Variants in CDH12 observed in about 807,000 individuals in gnomAD.
CDH12 encodes cadherin 12.
Under a neutral mutation model 74.1 loss-of-function variants are expected in CDH12, and 41 were observed. That is an observed-to-expected ratio of 0.55 (90% CI 0.43 to 0.72). The LOEUF (loss-of-function observed/expected upper bound fraction) is 0.72, where lower values mean the gene tolerates loss of function less well. Among genes scored for constraint, CDH12 ranks in the 30% least tolerant of loss-of-function variants. The probability of loss-of-function intolerance (pLI) is 0.00; values close to 1 mark genes in which losing one functional copy is unlikely to be tolerated. For missense variants in CDH12, 945 were observed against 977.2 expected (o/e 0.97, Z 0.44); for synonymous variants, 399 against 355.0 (o/e 1.12, Z -1.39).
chr5:21,959,678 G>A (rs1756258267), intron 6 of CDH12, among the ~76,000 whole-genome samples: 1 of 150,766 alleles, frequency 6.6e-6, no homozygotes, highest in Admixed American at 6.6e-5. Context: ...GGGAGGCCAA[G>A]GTGGGTGGAT....
intron 6 of CDH12, among the ~76,000 whole-genome samples, chr5:21,972,610 G>A (rs1387069458): frequency 6.6e-6 from 1 of 152,134 alleles, no homozygotes; most frequent in African/African-American, 2.4e-5. Context: ...AGTTCTGGAT[G>A]CACAGTAGTT....
chr5:21,813,281 C>T (rs1364996949), intron 9 of CDH12, among the ~76,000 whole-genome samples: 1 of 152,008 alleles, frequency 6.6e-6, no homozygotes, highest in African/African-American at 2.4e-5. Context: ...GAGTTCAAGA[C>T]CAGCCTGACA....
chr5:22,122,603 A>C (rs1745588631), intron 4 of CDH12, among the ~76,000 whole-genome samples: 1 of 152,186 alleles, frequency 6.6e-6, no homozygotes, highest in Admixed American at 6.6e-5. Flanking sequence ...TTTGGTTATA[A>C]GCCATCTATT....
chr5:22,517,937 A>T (rs1306321254), intron 1 of CDH12, among the ~76,000 whole-genome samples: 1 of 152,200 alleles, frequency 6.6e-6, no homozygotes, highest in Non-Finnish European at 1.5e-5. Context: ...GCTGGCTTCC[A>T]ACCTCAACTG....
intron 3 of CDH12, among the ~76,000 whole-genome samples, chr5:22,261,370 T>C (rs1463277582): frequency 6.6e-6 from 1 of 152,150 alleles, no homozygotes; most frequent in Non-Finnish European, 1.5e-5. Context: ...CCCCACCCTT[T>C]TGGTCATTTT....
rs866869447 is a variant in CDH12 at position 22,121,072 on chromosome 5, T to C, written c.-186-42210A>G. Among the ~76,000 whole-genome samples the C allele has an allele frequency of 1.8e-3, 280 of 152,292 alleles. 1 individual carries two copies. Among genetic ancestry groups the C allele is most frequent in the African/African-American group, 6.0e-3 (248 of 41,572 alleles). ...TGAAGGCAAAACAGTGAGTTTATGTTTCACTTAATTCCAAATTTAAAATTC... is the reference window on the plus strand; with the variant it reads ...TGAAGGCAAAACAGTGAGTTTATGTCTCACTTAATTCCAAATTTAAAATTC... On this transcript the variant is annotated intron_variant, in intron 4 of 14. Coordinates refer to ENST00000382254, the MANE Select transcript of CDH12 (RefSeq NM_004061.5).
At chr5:22,237,055 C>T (rs1169466525) in intron 3 of CDH12, among the ~76,000 whole-genome samples, 1 of 151,824 alleles carries the variant, frequency 6.6e-6, no homozygotes. Flanking sequence ...CATTTATTAT[C>T]CTTATTAAGT....
At chr5:22,037,774 T>C (rs1739287224) in intron 5 of CDH12, among the ~76,000 whole-genome samples, 1 of 152,000 alleles carries the variant, frequency 6.6e-6, no homozygotes, top group Non-Finnish European at 1.5e-5. Flanking sequence ...CAAACAACTA[T>C]ATGTTGATAG....
At chr5:21,975,469 A>G (rs1435307065) in intron 5 of CDH12, 84 bp from the exon 6 acceptor site, 1 of 971,348 alleles carries the variant, frequency 1.0e-6, no homozygotes, top group Non-Finnish European at 1.5e-6. Context: ...CCAAATTAAA[A>G]AGTCATAATT....
At chr5:21,947,835 G>C (rs1486970943) in intron 6 of CDH12, among the ~76,000 whole-genome samples, 1 of 152,166 alleles carries the variant, frequency 6.6e-6, no homozygotes, top group Non-Finnish European at 1.5e-5. Flanking sequence ...TCATGGGCTG[G>C]GCCTATGGCC....
intron 1 of CDH12, among the ~76,000 whole-genome samples, chr5:22,814,608 A>G (rs1386724019): frequency 2.0e-5 from 3 of 152,176 alleles, no homozygotes; most frequent in African/African-American, 7.2e-5. Context: ...TAGGGTGAAT[A>G]CAATCTGAAA....
intron 2 of CDH12, among the ~76,000 whole-genome samples, chr5:22,483,948 G>A (rs1895619): frequency 0.14 from 20,685 of 148,436 alleles, 2,178 homozygotes; most frequent in East Asian, 0.36. Flanking sequence ...ATATAAGATC[G>A]GGAATTCCAA....
chr5:22,072,180 TATTA>T (rs1741987904), intron 5 of CDH12, among the ~76,000 whole-genome samples: 1 of 152,102 alleles, frequency 6.6e-6, no homozygotes, highest in Non-Finnish European at 1.5e-5. Context: ...ATTCCATTAA[TATTA>T]ATCCTCAAAC....
Position 21,755,833 on chromosome 5 carries a change from G to A in CDH12, c.1643C>T (p.Ala548Val), listed in dbSNP as rs745634405. 36 of 1,613,752 alleles carry A rather than the reference G, an allele frequency of 2.2e-5. No individual in the cohort carries two copies. The highest frequency in any genetic ancestry group is 2.7e-5 in the Non-Finnish European group (32 of 1,179,842). The change falls in exon 14 of 15, where the codon GCG (alanine) becomes GTG (valine). Residue 548 changes from alanine (A) to valine (V), a missense_variant. Around this residue, in one of 3 missense-constraint regions of CDH12, gnomAD observed 791 missense variants for 792.8 expected, o/e 1.00. Transcript: ENST00000382254. ...FTVRDFRNNT[A>V]GIETRRNGYS... Reference sequence around the variant, plus strand: ...TCCATTTCTTCGGGTTTCAATCCCCGCTGTGTTGTCTACAAAACATGACAT... The same window carrying A: ...TCCATTTCTTCGGGTTTCAATCCCCACTGTGTTGTCTACAAAACATGACAT...
chr5:21,933,295 G>A (rs1230338794), intron 6 of CDH12, among the ~76,000 whole-genome samples: 2 of 152,050 alleles, frequency 1.3e-5, no homozygotes, highest in African/African-American at 2.4e-5. Context: ...AATTAAATAT[G>A]AGACTAATAG....
intron 3 of CDH12, among the ~76,000 whole-genome samples, chr5:22,332,719 T>C (rs992399658): frequency 1.3e-5 from 2 of 151,922 alleles, no homozygotes; most frequent in African/African-American, 4.8e-5. Flanking sequence ...GAAAAAAAGC[T>C]CAACATCAAT....
chr5:22,162,279 G>T (rs1239463134), intron 4 of CDH12, among the ~76,000 whole-genome samples: 1 of 152,128 alleles, frequency 6.6e-6, no homozygotes, highest in South Asian at 2.1e-4. Context: ...GTTGCCACCC[G>T]TTTCTCTCTC....
At chr5:21,915,938 A>T (rs1449052326) in intron 6 of CDH12, among the ~76,000 whole-genome samples, 1 of 92,228 alleles carries the variant, frequency 1.1e-5, no homozygotes, top group African/African-American at 2.9e-5. Flanking sequence ...AGGGGTAGAA[A>T]ACAAGGCCTT....
intron 1 of CDH12, among the ~76,000 whole-genome samples, chr5:22,635,896 G>A (rs1381359095): frequency 1.3e-5 from 2 of 151,760 alleles, no homozygotes; most frequent in East Asian, 3.9e-4. Flanking sequence ...CTGGGCCACA[G>A]AATGAGACTC....
Sources: gnomAD v4.1 joint callset for allele counts (sites outside exome capture counted in the v4.1 genomes callset) on GRCh38, gnomAD v4.1.1 for gene constraint, gnomAD v4.1.1 regional missense constraint, MANE v1.5 for transcripts, NCBI Gene and HGNC (gene_info 2026-07-23, HGNC 2026-07-21) for gene names.